The following TBC1D22B variants were observed in gnomAD, a reference collection of about 807,000 sequenced individuals.
TBC1D22B encodes the protein chromosome 6 open reading frame 197.
Under a neutral mutation model 69.1 loss-of-function variants are expected in TBC1D22B, and 32 were observed. The observed-to-expected ratio is 0.46, with a 90% confidence interval of 0.35 to 0.62. TBC1D22B has a LOEUF of 0.62. Among genes scored for constraint, TBC1D22B ranks in the 20% least tolerant of loss-of-function variants. The pLI is 0.00. For synonymous variants in TBC1D22B, 206 were observed against 229.8 expected (o/e 0.90, Z 0.94); for missense variants, 462 against 630.9 (o/e 0.73, Z 2.87).
At chr6:37,277,991 G>A (rs1011914140) in intron 2 of TBC1D22B, among the ~76,000 whole-genome samples, 2 of 151,764 alleles carry the variant, frequency 1.3e-5, no homozygotes, top group Non-Finnish European at 2.9e-5. Context: ...AGACATGGTG[G>A]TGTGCGCCTA....
chr6:37,328,000 G>T (rs915217872), intron 12 of TBC1D22B, among the ~76,000 whole-genome samples: 1 of 152,064 alleles, frequency 6.6e-6, no homozygotes, highest in Non-Finnish European at 1.5e-5. Context: ...TTTTCTGGTT[G>T]AATGTTAAAG....
At chr6:37,317,082 A>G in intron 11 of TBC1D22B, 29 bp from the exon 12 acceptor site, 1 of 1,550,780 alleles carries the variant, frequency 6.4e-7, no homozygotes, top group Non-Finnish European at 8.7e-7. Context: ...CAGGGCTGGG[A>G]GACCTAACTC....
chr6:37,265,101 C>T (rs923821898), intron 1 of TBC1D22B, among the ~76,000 whole-genome samples: 17 of 152,208 alleles, frequency 1.1e-4, no homozygotes, highest in African/African-American at 3.4e-4. Flanking sequence ...GTTTTAGATA[C>T]ATCATGGTTC....
intron 4 of TBC1D22B, 124 bp downstream of exon 4, chr6:37,282,488 A>C (rs1766867370): frequency 1.7e-5 from 20 of 1,155,912 alleles, no homozygotes; most frequent in Non-Finnish European, 2.4e-5. Flanking sequence ...CCTGGTGCCC[A>C]TTGCAGTGAC....
intron 8 of TBC1D22B, among the ~76,000 whole-genome samples, chr6:37,296,966 A>G (rs990411322): frequency 6.6e-6 from 1 of 152,142 alleles, no homozygotes; most frequent in African/African-American, 2.4e-5. Flanking sequence ...AGTTGGGACT[A>G]TAGCCTTGCA....
intron 8 of TBC1D22B, among the ~76,000 whole-genome samples, chr6:37,300,497 AACTACAGGCATCGCC>A (rs1767532441): frequency 1.3e-5 from 2 of 152,126 alleles, no homozygotes; most frequent in Non-Finnish European, 2.9e-5. Context: ...TAGTAGCTGG[AACTACAGGCATCGCC>A]ACTATGCCTG....
At chr6:37,262,489 G>T (rs72851350) in intron 1 of TBC1D22B, among the ~76,000 whole-genome samples, 2,538 of 152,274 alleles carry the variant, frequency 0.017, 40 homozygotes, top group Non-Finnish European at 0.025. Flanking sequence ...GGCCAAAATC[G>T]AAATTACCTG....
At chr6:37,266,740 G>A (rs146068855) in intron 1 of TBC1D22B, among the ~76,000 whole-genome samples, 4,845 of 152,090 alleles carry the variant, frequency 0.032, 244 homozygotes, top group African/African-American at 0.11. Context: ...TGGGATTACA[G>A]GCGTGAGCCA....
chr6:37,299,386 A>T (rs1767495747), intron 8 of TBC1D22B, among the ~76,000 whole-genome samples: 1 of 152,206 alleles, frequency 6.6e-6, no homozygotes, highest in South Asian at 2.1e-4. Context: ...TTACCGCCCA[A>T]CATGGGAATT....
Position 37,279,586 on chromosome 6 carries a change from T to C in TBC1D22B, c.396T>C (p.Ser132=). The part of the protein sequence containing the change: ...PANYKVIKSS[S]DAQLSRNSSD... ...ACTACAAGGTCATAAAGTCCAGCAG[T>C]GATGCCCAGCTGTCCAGAAACTCTA... The change falls in exon 3 of 13, where the codon AGT becomes AGC. Residue 132 remains serine, a synonymous_variant. Transcript: ENST00000373491. 6.2e-7 allele frequency: 1 copy of C among 1,612,498 alleles called. No homozygotes were observed. Among genetic ancestry groups the C allele is most frequent in the South Asian group, 1.1e-5 (1 of 90,976 alleles).
intron 12 of TBC1D22B, among the ~76,000 whole-genome samples, chr6:37,330,470 C>T (rs1768552479): frequency 6.6e-6 from 1 of 151,984 alleles, no homozygotes. Context: ...ATCTCCTGAC[C>T]TCGCGATCCA....
chr6:37,319,211 G>T (rs1768168175), intron 12 of TBC1D22B, among the ~76,000 whole-genome samples: 1 of 152,230 alleles, frequency 6.6e-6, no homozygotes, highest in Non-Finnish European at 1.5e-5. Flanking sequence ...TCAGGCCACT[G>T]ATTAAGAACC....
intron 8 of TBC1D22B, among the ~76,000 whole-genome samples, chr6:37,307,517 G>A (rs916039564): frequency 1.3e-5 from 2 of 151,724 alleles, no homozygotes; most frequent in East Asian, 1.9e-4. Flanking sequence ...CACCATGCCC[G>A]GCTAATTTTT....
intron 1 of TBC1D22B, among the ~76,000 whole-genome samples, chr6:37,266,752 C>T (rs552904900): frequency 4.0e-5 from 6 of 150,646 alleles, no homozygotes; most frequent in East Asian, 4.0e-4. Flanking sequence ...CGTGAGCCAC[C>T]GCACCTGGCC....
At chr6:37,324,404 G>A (rs1490310381) in intron 12 of TBC1D22B, 1 of 456,350 alleles carries the variant, frequency 2.2e-6, no homozygotes, top group Non-Finnish European at 4.4e-6. Context: ...CACATCTACA[G>A]CAGGTTCAAA....
At chr6:37,302,535 T>C (rs192547489) in intron 8 of TBC1D22B, among the ~76,000 whole-genome samples, 4 of 152,236 alleles carry the variant, frequency 2.6e-5, no homozygotes, top group Admixed American at 6.5e-5. Context: ...GCAGGACTTA[T>C]GATGTTTCCT....
rs745946048 is a variant in TBC1D22B at position 37,269,651 on chromosome 6, G to A, written c.113+1G>A. ...CTCTTGACCCACGGCTCACCAAAAA[G>A]TAAGTCAAGACATTTTCGTTTTATC... On this transcript the variant is annotated splice_donor_variant, in intron 2 of 12. Coordinates refer to ENST00000373491, the MANE Select transcript of TBC1D22B (RefSeq NM_017772.4). LOFTEE classifies it high-confidence loss of function. The A allele has an allele frequency of 6.2e-7, 1 of 1,614,080 alleles. No individual in the cohort carries two copies. Among genetic ancestry groups the A allele is most frequent in the East Asian group, 2.2e-5 (1 of 44,870 alleles).
intron 3 of TBC1D22B, among the ~76,000 whole-genome samples, chr6:37,280,305 T>C (rs1295468431): frequency 1.3e-5 from 2 of 152,194 alleles, no homozygotes; most frequent in African/African-American, 4.8e-5. Context: ...TAAAGTATGT[T>C]GGGAGCTGGA....
chr6:37,271,995 A>G (rs1179423360), intron 2 of TBC1D22B, among the ~76,000 whole-genome samples: 4 of 152,130 alleles, frequency 2.6e-5, no homozygotes, highest in Admixed American at 6.5e-5. Context: ...TTATTGAATG[A>G]AGGTATGAAA....
Sources: allele counts gnomAD v4.1 joint callset (sites outside exome capture counted in the v4.1 genomes callset), GRCh38; gene constraint gnomAD v4.1.1; transcripts MANE v1.5; gene names NCBI Gene and HGNC (gene_info 2026-07-23, HGNC 2026-07-21).